MYO16: variants seen among roughly 807,000 people sequenced by gnomAD.
MYO16 encodes the protein myosin XVI.
Under a neutral mutation model 205.3 loss-of-function variants are expected in MYO16, and 94 were observed. That is an observed-to-expected ratio of 0.46 (90% CI 0.39 to 0.54). The LOEUF is 0.54. MYO16 is among the 20% of genes least tolerant of loss of function. The pLI, the probability that MYO16 is intolerant of heterozygous loss-of-function variation, is 0.00. For missense variants in MYO16, 2,315 were observed against 2,387.5 expected (o/e 0.97, Z 0.63); for synonymous variants, 988 against 954.0 (o/e 1.04, Z -0.66).
the MYO16 span, among the ~76,000 whole-genome samples, chr13:108,531,841 A>C: frequency 1.3e-5 from 2 of 152,188 alleles, no homozygotes; most frequent in Non-Finnish European, 2.9e-5. Context: ...AAGAACCCCT[A>C]CATTTAAAGA....
intron 1 of MYO16, among the ~76,000 whole-genome samples, chr13:108,615,465 C>A (rs1220061059): frequency 1.3e-5 from 2 of 152,076 alleles, no homozygotes; most frequent in East Asian, 3.8e-4. Flanking sequence ...CCCAGGAGAA[C>A]TGAAAACATA....
chr13:108,546,716 A>G, the MYO16 span, among the ~76,000 whole-genome samples: 1 of 152,164 alleles, frequency 6.6e-6, no homozygotes, highest in Admixed American at 6.5e-5. Context: ...TCTTCCCATC[A>G]CAGCATGGAT....
chr13:108,676,566 C>A (rs910827554), intron 2 of MYO16, among the ~76,000 whole-genome samples: 18 of 152,134 alleles, frequency 1.2e-4, no homozygotes, highest in African/African-American at 3.9e-4. Flanking sequence ...TCAGATAAGT[C>A]ATCAGGATCA....
chr13:108,886,469 G>A (rs1879892025), intron 13 of MYO16: 2 of 456,064 alleles, frequency 4.4e-6, no homozygotes, highest in African/African-American at 2.0e-5. Flanking sequence ...GAGAGTAAGT[G>A]GAGTAGAATT....
intron 1 of MYO16, among the ~76,000 whole-genome samples, chr13:108,609,479 T>A (rs1177046145): frequency 2.6e-5 from 4 of 152,134 alleles, no homozygotes; most frequent in African/African-American, 7.2e-5. Context: ...CTCAATGCTA[T>A]CAGCCAAGTG....
At chr13:109,040,385 C>CACACACACAG (rs1394314811) in intron 23 of MYO16, among the ~76,000 whole-genome samples, 4 of 113,218 alleles carry the variant, frequency 3.5e-5, no homozygotes, top group Admixed American at 1.0e-4. Context: ...CACACACACA[C>CACACACACAG]AGAGAGAGAG....
intron 1 of MYO16, among the ~76,000 whole-genome samples, chr13:108,650,380 G>A (rs1880945127): frequency 6.6e-6 from 1 of 152,322 alleles, no homozygotes; most frequent in East Asian, 1.9e-4. Flanking sequence ...CCTGAATGGA[G>A]CCAGCAAGGG....
chr13:108,508,205 C>G, the MYO16 span, among the ~76,000 whole-genome samples: 1 of 151,450 alleles, frequency 6.6e-6, no homozygotes, highest in South Asian at 2.1e-4. Context: ...GCCAAGTTTC[C>G]CTCTTTCTCT....
Position 108,964,835 on chromosome 13 carries a change from A to G in MYO16, c.2302A>G (p.Ser768Gly). ...FRDLLAKSLY[S>G]RLFSFLVNTM... ...AGACCTCTTGGCCAAGTCCCTGTAC[A>G]GTCGTTTGTTTAGCTTTTTGGTGAA... The change falls in exon 20 of 35, where the codon AGT becomes GGT. Residue 768 changes from serine to glycine, a missense_variant. Transcript: ENST00000457511. 1 of 1,614,144 alleles carries G rather than the reference A, an allele frequency of 6.2e-7. No individual in the cohort carries two copies. The highest frequency in any genetic ancestry group is 8.5e-7 in the Non-Finnish European group (1 of 1,180,008).
At chr13:108,785,336 A>T (rs1463282294) in intron 4 of MYO16, among the ~76,000 whole-genome samples, 1 of 152,188 alleles carries the variant, frequency 6.6e-6, no homozygotes, top group Non-Finnish European at 1.5e-5. Flanking sequence ...GCCAGCACAG[A>T]GGCATGGGTT....
At chr13:108,784,805 A>G (rs972078724) in intron 4 of MYO16, among the ~76,000 whole-genome samples, 1 of 152,234 alleles carries the variant, frequency 6.6e-6, no homozygotes, top group African/African-American at 2.4e-5. Flanking sequence ...GACAATGGGC[A>G]TATGTTCACG....
At chr13:108,956,810 A>G (rs1438721401) in intron 16 of MYO16, among the ~76,000 whole-genome samples, 1 of 151,906 alleles carries the variant, frequency 6.6e-6, no homozygotes, top group East Asian at 1.9e-4. Flanking sequence ...CCTAGACTCT[A>G]TCTCTCTGAT....
intron 6 of MYO16, among the ~76,000 whole-genome samples, chr13:108,797,069 A>G (rs527555194): frequency 2.0e-5 from 3 of 152,268 alleles, no homozygotes; most frequent in South Asian, 2.1e-4. Flanking sequence ...TGGTAGTGCA[A>G]TTGGACCTCC....
At chr13:108,947,645 G>C (rs971442253) in intron 16 of MYO16, among the ~76,000 whole-genome samples, 1 of 152,182 alleles carries the variant, frequency 6.6e-6, no homozygotes, top group Non-Finnish European at 1.5e-5. Context: ...CCGTTGTCCA[G>C]GGCCTTCTGT....
intron 9 of MYO16, among the ~76,000 whole-genome samples, chr13:108,826,667 G>A (rs1166500106): frequency 6.6e-6 from 1 of 152,056 alleles, no homozygotes; most frequent in Admixed American, 6.6e-5. Context: ...GTAAAGGGAT[G>A]CTTACAACTG....
rs1211417139 is a variant in MYO16, at chr13:109,102,506, GTGTATATA to G, written c.3438+1621_3438+1628del. On this transcript the variant is annotated intron_variant, in intron 28 of 34. Transcript: ENST00000457511. ...TGTATATATGTATATGTGTGTGTGT[GTGTATATA>G]TATATATATATCTGTGAGATAGATG... Among the ~76,000 whole-genome samples, 680 of 144,444 alleles carry G rather than the reference GTGTATATA, an allele frequency of 4.7e-3. 7 individuals carry two copies. The highest frequency in any genetic ancestry group is 3.9e-3 in the Non-Finnish European group (253 of 65,340). 94.8% of individuals were successfully genotyped at this position (144,444 alleles called of 152,430 possible). A position where few individuals can be genotyped will look rare whatever the true frequency, so the allele number is the denominator to read the frequency against.
At chr13:108,823,395 A>G (rs1876088972) in intron 9 of MYO16, 117 bp downstream of exon 9, 1 of 883,090 alleles carries the variant, frequency 1.1e-6, no homozygotes, top group African/African-American at 1.7e-5. Context: ...TGGTTTATCA[A>G]TGTATATACC....
intron 27 of MYO16, among the ~76,000 whole-genome samples, chr13:109,088,365 T>C (rs561468334): frequency 1.3e-5 from 2 of 152,326 alleles, no homozygotes; most frequent in East Asian, 1.9e-4. Context: ...TGTTTCACTT[T>C]CATCCATTTC....
chr13:108,598,660 C>T (rs369588460), intron 1 of MYO16, among the ~76,000 whole-genome samples: 1 of 152,048 alleles, frequency 6.6e-6, no homozygotes, highest in South Asian at 2.1e-4. Flanking sequence ...TGAATAAGTA[C>T]GTGTTGAATT....
Sources: allele counts gnomAD v4.1 joint callset (sites outside exome capture counted in the v4.1 genomes callset), GRCh38; gene constraint gnomAD v4.1.1; transcripts MANE v1.5; gene names NCBI Gene and HGNC (gene_info 2026-07-23, HGNC 2026-07-21).